The following CA1 variants were observed in gnomAD, a reference collection of about 807,000 sequenced individuals.
The protein encoded by CA1 is carbonic anhydrase 1, also known as carbonate dehydratase I.
In CA1, 27 loss-of-function variants were observed where a neutral mutation model predicts 28.8. The observed-to-expected ratio is 0.94, with a 90% CI of 0.69 to 1.29. CA1 has a LOEUF of 1.29. Among genes scored for constraint, CA1 ranks in the 50% most tolerant of loss-of-function variants. The pLI is 0.00. For synonymous variants in CA1, 121 were observed against 108.8 expected, an observed-to-expected ratio of 1.11 and a Z score of -0.70; for missense variants, 335 against 310.5, an observed-to-expected ratio of 1.08 and a Z score of -0.59.
At chr8:85,349,582 G>T (rs185658785) in intron 1 of CA1, among the ~76,000 whole-genome samples, 280 of 152,306 alleles carry the variant, frequency 1.8e-3, no homozygotes, top group African/African-American at 6.0e-3. Flanking sequence ...TGGAGATGGG[G>T]TATGGACCAC....
In CA1 at chr8:85,333,620, G is replaced by T; in HGVS notation, c.355C>A (p.Leu119Ile). ...TVDGVKYSAE[L>I]HVAHWNSAKY... is the part of the protein sequence containing the mutation. Reference sequence around the variant, plus strand: ...GCAGAATTCCAGTGAGCTACGTGAAGCTAAAAATGATACTATGGTTAATTA... The same window carrying T: ...GCAGAATTCCAGTGAGCTACGTGAATCTAAAAATGATACTATGGTTAATTA... Residue 119 changes from leucine (L) to isoleucine (I), a missense_variant and splice_region_variant, in exon 5 of 8, where the codon CTT becomes ATT. Leu to Ile is a conservative substitution (Grantham distance 5, BLOSUM62 2). Coordinates refer to ENST00000523022, the MANE Select transcript of CA1 (RefSeq NM_001128831.4). 6.3e-7 allele frequency: 1 copy of T among 1,590,778 alleles called. No individual in the cohort carries two copies. The highest frequency in any genetic ancestry group is 8.6e-7 in the Non-Finnish European group (1 of 1,159,894).
intron 1 of CA1, among the ~76,000 whole-genome samples, chr8:85,352,989 AG>A (rs1280528626): frequency 6.6e-6 from 1 of 152,168 alleles, no homozygotes; most frequent in Non-Finnish European, 1.5e-5. Flanking sequence ...CTTAGACCAG[AG>A]GCTGAGAGTT....
At chr8:85,355,613 C>T (rs1177193468) in intron 1 of CA1, among the ~76,000 whole-genome samples, 1 of 135,526 alleles carries the variant, frequency 7.4e-6, no homozygotes, top group African/African-American at 2.8e-5. Context: ...TTTGCTCAGG[C>T]TGGTCTTGAA....
intron 1 of CA1, among the ~76,000 whole-genome samples, chr8:85,365,852 C>T (rs889670727): frequency 6.6e-6 from 1 of 152,130 alleles, no homozygotes; most frequent in South Asian, 2.1e-4. Context: ...TAAGGAAGGC[C>T]TAGGGACCTC....
rs1197142653 is a variant in CA1, at chr8:85,357,138, A to G, written c.-24-15479T>C. The stretch of plus-strand genomic sequence containing the variant: ...TAAAGACTATAAATAGCTTCGTGTC[A>G]GGTCAGGTTAGGCCCACAGGTGAGT... On this transcript the variant is annotated intron_variant, in intron 1 of 7. Coordinates refer to ENST00000523022, the MANE Select transcript of CA1 (RefSeq NM_001128831.4). Among the ~76,000 whole-genome samples the G allele has an allele frequency of 2.6e-5, 4 of 152,344 alleles. No homozygotes were observed. In the East Asian group the frequency reaches 5.8e-4, roughly 22 times the overall value.
At chr8:85,349,420 T>C (rs1206736069) in intron 1 of CA1, among the ~76,000 whole-genome samples, 1 of 152,262 alleles carries the variant, frequency 6.6e-6, no homozygotes, top group East Asian at 1.9e-4. Flanking sequence ...TGATAAATTA[T>C]AAAATCAAAC....
intron 4 of CA1, among the ~76,000 whole-genome samples, chr8:85,336,401 CA>C (rs1808654059): frequency 6.6e-6 from 1 of 152,120 alleles, no homozygotes; most frequent in Non-Finnish European, 1.5e-5. Flanking sequence ...TTTGGATATA[CA>C]GATAATAATG....
At chr8:85,333,066 A>G (rs868290181) in intron 5 of CA1, among the ~76,000 whole-genome samples, 18 of 152,178 alleles carry the variant, frequency 1.2e-4, no homozygotes, top group African/African-American at 3.4e-4. Context: ...TAAAAAATCA[A>G]TTGAATATTC....
At chr8:85,339,032 C>T (rs957354458) in intron 2 of CA1, among the ~76,000 whole-genome samples, 1 of 151,960 alleles carries the variant, frequency 6.6e-6, no homozygotes, top group Non-Finnish European at 1.5e-5. Context: ...CTATATTGTA[C>T]TATAAAATAG....
Position 85,337,003 on chromosome 8 carries a change from C to T in CA1, c.296G>A (p.Gly99Asp). ...TTCTGAACCATGCTCATTTGTACTG[C>T]CCCAGTGAAAATGGAACTGAAAGAG... ...YRLFQFHFHW[G>D]STNEHGSEHT... Residue 99 changes from glycine to aspartate, a missense_variant, in exon 4 of 8, where the codon GGC becomes GAC. Physicochemically the swap from Gly to Asp is moderately conservative, Grantham distance 94. Transcript: ENST00000523022. The T allele has an allele frequency of 6.2e-7, 1 of 1,613,284 alleles. No individual in the cohort carries two copies. The highest frequency in any genetic ancestry group is 8.5e-7 in the Non-Finnish European group (1 of 1,179,344).
In CA1 at chr8:85,328,695, T is replaced by A. The variant is rs761150220; in HGVS notation, c.670-19A>T. ...GTGCCAGCTAGAAGGATAAAATATTTTAAAAATAAAAAGTTTTTAAAGTTA... is the reference window on the plus strand; with the variant it reads ...GTGCCAGCTAGAAGGATAAAATATTATAAAAATAAAAAGTTTTTAAAGTTA... On this transcript the variant is annotated intron_variant, in intron 7 of 7. Transcript: ENST00000523022. The A allele has an allele frequency of 2.5e-5, 37 of 1,509,280 alleles. No individual in the cohort carries two copies. In the Middle Eastern group the frequency reaches 9.5e-4, roughly 39 times the overall value. The allele number at this position is 1,509,280 out of a possible 1,614,324, so 93.5% of individuals were successfully genotyped here.
chr8:85,331,130 T>G (rs1808377196), intron 6 of CA1, among the ~76,000 whole-genome samples: 1 of 152,172 alleles, frequency 6.6e-6, no homozygotes, highest in African/African-American at 2.4e-5. Flanking sequence ...TAAATTTACT[T>G]TTAGGTTCTC....
chr8:85,338,109 G>T, intron 3 of CA1, 143 bp downstream of exon 3: 1 of 827,354 alleles, frequency 1.2e-6, no homozygotes, highest in Non-Finnish European at 2.1e-6. Context: ...TTTTCCAGAA[G>T]TCCAAGATGC....
Position 85,344,251 on chromosome 8 carries a change from T to TACTTAA in CA1, c.-24-2593_-24-2592insTTAAGT. Among the ~76,000 whole-genome samples, 98 of 100,424 alleles carry TACTTAA rather than the reference T, an allele frequency of 9.8e-4. 1 individual carries two copies. Among genetic ancestry groups the TACTTAA allele is most frequent in the African/African-American group, 4.5e-3 (95 of 21,078 alleles). The allele number at this position is 100,424 out of a possible 152,430, so 65.9% of individuals were successfully genotyped here. On this transcript the variant is annotated intron_variant, in intron 1 of 7. Coordinates refer to ENST00000523022, the MANE Select transcript of CA1 (RefSeq NM_001128831.4). ...ACAGTATATAATATATAATTATATA[T>TACTTAA]TATATACAGTATATAATATATAATT...
In CA1 at chr8:85,336,968, C is replaced by T; in HGVS notation, c.331G>A (p.Asp111Asn). 1 of 1,606,194 alleles carries T rather than the reference C, an allele frequency of 6.2e-7. No individual in the cohort carries two copies. Among genetic ancestry groups the T allele is most frequent in the Non-Finnish European group, 8.5e-7 (1 of 1,172,922 alleles). The change falls in exon 4 of 8, where the codon GAT becomes AAT. Residue 111 changes from aspartate to asparagine, a missense_variant. Transcript: ENST00000523022. Reference sequence around the variant, plus strand: ...ACCTCGGCAGAATATTTGACTCCATCCACTGTATGTTCTGAACCATGCTCA... The same window carrying T: ...ACCTCGGCAGAATATTTGACTCCATTCACTGTATGTTCTGAACCATGCTCA... ...TNEHGSEHTV[D>N]GVKYSAELHV...
chr8:85,366,463 T>A (rs566686055), intron 1 of CA1, among the ~76,000 whole-genome samples: 1 of 152,180 alleles, frequency 6.6e-6, no homozygotes, highest in East Asian at 1.9e-4. Flanking sequence ...AAAACATAGA[T>A]CAAAACAATG....
intron 1 of CA1, among the ~76,000 whole-genome samples, chr8:85,352,239 G>C (rs1188140926): frequency 1.3e-5 from 2 of 152,090 alleles, no homozygotes; most frequent in African/African-American, 4.8e-5. Context: ...TGTAAAATTT[G>C]GGCTAGACAG....
intron 1 of CA1, among the ~76,000 whole-genome samples, chr8:85,357,020 A>C (rs1809629337): frequency 6.6e-6 from 1 of 152,208 alleles, no homozygotes; most frequent in South Asian, 2.1e-4. Context: ...TTATATATGA[A>C]TGCCCTTATC....
chr8:85,332,647 C>T, intron 5 of CA1, 95 bp from the exon 6 acceptor site: 1 of 870,614 alleles, frequency 1.1e-6, no homozygotes, highest in Non-Finnish European at 1.9e-6. Flanking sequence ...TAACAACTGA[C>T]AAGAGGTAAG....
Sources: gnomAD v4.1 joint callset for allele counts (sites outside exome capture counted in the v4.1 genomes callset) on GRCh38, gnomAD v4.1.1 for gene constraint, MANE v1.5 for transcripts, NCBI Gene and HGNC (gene_info 2026-07-23, HGNC 2026-07-21) for gene names.